Variants in KLF12 observed in about 807,000 individuals in gnomAD.
The protein encoded by KLF12 is KLF transcription factor 12.
In KLF12, 9 loss-of-function variants were observed where a neutral mutation model predicts 37.8. The ratio of observed to expected loss-of-function variants is 0.24; its 90% CI spans 0.14 to 0.42. The LOEUF (loss-of-function observed/expected upper bound fraction) is 0.42. KLF12 is among the 10% of genes least tolerant of loss of function. The pLI is 1.00. For missense variants in KLF12, 411 were observed against 516.0 expected, an observed-to-expected ratio of 0.80 and a Z score of 1.97; for synonymous variants, 208 against 202.1, an observed-to-expected ratio of 1.03 and a Z score of -0.25.
chr13:74,061,467 C>T (rs562395572), intron 1 of KLF12, among the ~76,000 whole-genome samples: 4 of 152,230 alleles, frequency 2.6e-5, no homozygotes, highest in Admixed American at 6.5e-5. Flanking sequence ...TAAAGTGGCA[C>T]GCCAGTTATT....
chr13:74,007,498 A>G (rs1428568720), intron 1 of KLF12, among the ~76,000 whole-genome samples: 2 of 151,792 alleles, frequency 1.3e-5, no homozygotes, highest in Non-Finnish European at 2.9e-5. Context: ...GATGGTCCCG[A>G]TCTCCTGACC....
chr13:74,255,257 G>C, the KLF12 span, among the ~76,000 whole-genome samples: 1 of 152,214 alleles, frequency 6.6e-6, no homozygotes, highest in Non-Finnish European at 1.5e-5. Flanking sequence ...TAATAAGAGA[G>C]ACTGAGCCTG....
At chr13:73,838,285 T>A (rs1884549638) in intron 4 of KLF12, among the ~76,000 whole-genome samples, 1 of 152,136 alleles carries the variant, frequency 6.6e-6, no homozygotes, top group Non-Finnish European at 1.5e-5. Context: ...CAACAGCCTG[T>A]AGGAAGAAAA....
At chr13:74,218,185 T>C in the KLF12 span, among the ~76,000 whole-genome samples, 1 of 152,166 alleles carries the variant, frequency 6.6e-6, no homozygotes, top group South Asian at 2.1e-4. Flanking sequence ...CTGAAAAGAT[T>C]AGAATGCCTT....
intron 3 of KLF12, among the ~76,000 whole-genome samples, chr13:73,936,681 C>T (rs562300567): frequency 3.7e-4 from 56 of 152,158 alleles, no homozygotes; most frequent in Non-Finnish European, 6.9e-4. Context: ...GTTCTTCCTC[C>T]CTGCTTTGCC....
At chr13:73,953,804 T>C (rs1890727353) in intron 2 of KLF12, among the ~76,000 whole-genome samples, 1 of 152,024 alleles carries the variant, frequency 6.6e-6, no homozygotes, top group Non-Finnish European at 1.5e-5. Flanking sequence ...TTGGGAAAAA[T>C]AAAAGAATGT....
chr13:73,749,046 T>C lies in KLF12; in HGVS notation c.869+15892A>G, dbSNP rs563165169. Among the ~76,000 whole-genome samples the C allele has an allele frequency of 2.6e-5, 4 of 152,302 alleles. No homozygotes were observed. The East Asian group carries it at 7.7e-4, about 29-fold the overall frequency. On this transcript the variant is annotated intron_variant, in intron 6 of 7. Transcript: ENST00000377669. ...TGATGGTCATTTCCTATAGAGTACC[T>C]ATGTTCAGTTTTTTATCATTAGAAG...
At chr13:74,144,991 C>G in the KLF12 span, among the ~76,000 whole-genome samples, 1 of 152,008 alleles carries the variant, frequency 6.6e-6, no homozygotes, top group African/African-American at 2.4e-5. Flanking sequence ...AGAAAGTGTA[C>G]ATCGTATTTA....
At chr13:74,227,931 A>G in the KLF12 span, among the ~76,000 whole-genome samples, 1 of 152,208 alleles carries the variant, frequency 6.6e-6, no homozygotes, top group Non-Finnish European at 1.5e-5. Flanking sequence ...TCTCTTTGGT[A>G]GAAGAATGTT....
the KLF12 span, among the ~76,000 whole-genome samples, chr13:74,278,412 A>G: frequency 1.3e-5 from 2 of 152,092 alleles, no homozygotes. Context: ...CCTTATCTCC[A>G]TCTAAATTCT....
intron 7 of KLF12, among the ~76,000 whole-genome samples, chr13:73,700,134 A>G (rs968000194): frequency 6.6e-6 from 1 of 151,884 alleles, no homozygotes; most frequent in Non-Finnish European, 1.5e-5. Context: ...TGGTGTGGTG[A>G]CGTGCATCTG....
At chr13:73,730,614 A>T (rs983390909) in intron 6 of KLF12, among the ~76,000 whole-genome samples, 4 of 152,132 alleles carry the variant, frequency 2.6e-5, no homozygotes, top group Non-Finnish European at 5.9e-5. Flanking sequence ...GAGTCAAGGG[A>T]GGGGGTGTCT....
At chr13:74,270,258 G>A in the KLF12 span, among the ~76,000 whole-genome samples, 1 of 152,134 alleles carries the variant, frequency 6.6e-6, no homozygotes, top group Non-Finnish European at 1.5e-5. Flanking sequence ...TTATATGATT[G>A]AGATGACTCA....
At chr13:74,184,833 A>C in the KLF12 span, among the ~76,000 whole-genome samples, 1 of 152,214 alleles carries the variant, frequency 6.6e-6, no homozygotes, top group Non-Finnish European at 1.5e-5. Context: ...TTTATTTAAA[A>C]AATATTTAAC....
At chr13:73,954,935 T>A (rs1409096092) in intron 2 of KLF12, among the ~76,000 whole-genome samples, 1 of 152,224 alleles carries the variant, frequency 6.6e-6, no homozygotes, top group Admixed American at 6.5e-5. Flanking sequence ...CTTTCATTAT[T>A]GCATAGAGTA....
chr13:74,096,467 T>C, intron 1 of KLF12, among the ~76,000 whole-genome samples: 1 of 152,256 alleles, frequency 6.6e-6, no homozygotes, highest in South Asian at 2.1e-4. Flanking sequence ...CCTCACAGAA[T>C]CATCTACTAT....
At chr13:73,914,072 C>A (rs543319093) in intron 3 of KLF12, among the ~76,000 whole-genome samples, 7 of 152,230 alleles carry the variant, frequency 4.6e-5, no homozygotes, top group Non-Finnish European at 7.4e-5. Context: ...TGGCTTATTC[C>A]TGCCAACATC....
chr13:74,239,320 T>G, the KLF12 span, among the ~76,000 whole-genome samples: 10 of 149,816 alleles, frequency 6.7e-5, no homozygotes, highest in Non-Finnish European at 7.4e-5. Flanking sequence ...TTGTTATAAT[T>G]TCTGTTCTTT....
At chr13:73,940,290 G>C (rs1320778334) in intron 3 of KLF12, among the ~76,000 whole-genome samples, 2 of 152,158 alleles carry the variant, frequency 1.3e-5, no homozygotes, top group African/African-American at 4.8e-5. Context: ...CGTATCACAA[G>C]AGCACATGCC....
Sources: gnomAD v4.1 joint callset for allele counts (sites outside exome capture counted in the v4.1 genomes callset) on GRCh38, gnomAD v4.1.1 for gene constraint, MANE v1.5 for transcripts, NCBI Gene and HGNC (gene_info 2026-07-23, HGNC 2026-07-21) for gene names.